CLCN7: variants seen among roughly 807,000 people sequenced by gnomAD.
CLCN7 encodes the protein Cl-/H+ antiporter 7.
Under a neutral mutation model 102.1 loss-of-function variants are expected in CLCN7, and 60 were observed. The ratio of observed to expected loss-of-function variants is 0.59; its 90% CI spans 0.48 to 0.73. The LOEUF (loss-of-function observed/expected upper bound fraction) is 0.73, where lower values mean the gene tolerates loss of function less well. Among genes scored for constraint, CLCN7 ranks in the 30% least tolerant of loss-of-function variants. The pLI is 0.00. For synonymous variants in CLCN7, 560 were observed against 490.5 expected (o/e 1.14, Z -1.87); for missense variants, 962 against 1,125.7 (o/e 0.85, Z 2.08).
intron 1 of CLCN7, chr16:1,474,181 G>A (rs375042126): frequency 1.3e-5 from 6 of 456,000 alleles, no homozygotes; most frequent in South Asian, 6.2e-5. Flanking sequence ...CACGCTGCAG[G>A]GTGACATGCG....
chr16:1,451,076 C>T (rs1191970257), intron 16 of CLCN7, among the ~76,000 whole-genome samples: 2 of 152,198 alleles, frequency 1.3e-5, no homozygotes, highest in Admixed American at 6.5e-5. Context: ...GCGTGCAGGG[C>T]GGGTGAGACC....
rs755892674 is a variant in CLCN7, at chr16:1,452,708, C to T, written c.1353+47G>A. 5 of 1,554,014 alleles carry T rather than the reference C, an allele frequency of 3.2e-6. No individual in the cohort carries two copies. The Admixed American group carries it at 9.4e-5, about 29-fold the overall frequency. ...CTAAGCGAGCCTCCTGGAGGCCGCCCTGTGGCTGCCCTGCCTGCTGGACCC... is the reference window on the plus strand; with the variant it reads ...CTAAGCGAGCCTCCTGGAGGCCGCCTTGTGGCTGCCCTGCCTGCTGGACCC... On this transcript the variant is annotated intron_variant, in intron 15 of 24. Coordinates refer to ENST00000382745, the MANE Select transcript of CLCN7 (RefSeq NM_001287.6).
At chr16:1,459,615 C>T (rs1596222615) in intron 6 of CLCN7, among the ~76,000 whole-genome samples, 5 of 35,152 alleles carry the variant, frequency 1.4e-4, no homozygotes, top group South Asian at 1.3e-3. Context: ...CTTCGGGGCC[C>T]CAGGGAAGGG....
At chr16:1,454,998 G>A (rs563163923) in intron 12 of CLCN7, 136 bp downstream of exon 12, 41 of 703,044 alleles carry the variant, frequency 5.8e-5, no homozygotes, top group African/African-American at 5.6e-4. Flanking sequence ...GGGCCCTGGA[G>A]CTTACACAAG....
chr16:1,455,576 G>A, intron 11 of CLCN7, 155 bp downstream of exon 11: 2 of 840,032 alleles, frequency 2.4e-6, no homozygotes, highest in Admixed American at 2.0e-5. Context: ...AGCAAAGGCA[G>A]GACCGCTGCT....
intron 9 of CLCN7, among the ~76,000 whole-genome samples, chr16:1,456,576 C>T (rs574246901): frequency 8.5e-5 from 13 of 152,358 alleles, no homozygotes; most frequent in South Asian, 2.1e-4. Flanking sequence ...CGGTGCCTCA[C>T]GCCTGTCATC....
Position 1,446,415 on chromosome 16 carries a change from G to A in CLCN7, c.*216C>T, listed in dbSNP as rs528735755. 3.4e-5 allele frequency: 24 copies of A among 702,604 alleles called. No homozygotes were observed. The highest frequency in any genetic ancestry group is 1.2e-4 in the South Asian group (8 of 67,610). The allele number at this position is 702,604 out of a possible 1,614,324, so 43.5% of individuals were successfully genotyped here. ...CGAGGAGAGTGGAGGCTGGGCCTGC[G>A]CAAGGAGGCGCCAAGGGGGGAGACC... is the stretch of plus-strand genomic sequence containing the variant. On this transcript the variant is annotated 3_prime_UTR_variant, in exon 25 of 25. Coordinates refer to ENST00000382745, the MANE Select transcript of CLCN7 (RefSeq NM_001287.6).
At position 1,457,607 on chromosome 16, in the gene CLCN7, G is replaced by A. The variant is rs565647515; in HGVS notation, c.738+87C>T. On this transcript the variant is annotated intron_variant, in intron 8 of 24. Coordinates refer to ENST00000382745, the MANE Select transcript of CLCN7 (RefSeq NM_001287.6). The surrounding 1 kb of genome is among the most constrained non-coding windows in gnomAD (Gnocchi z 5.4). ...CCCTTCCTGGAGACCAGAAGGACCG[G>A]TGCTCAGAGACACACATGGGCGTGG... 43 of 1,344,236 alleles carry A rather than the reference G, an allele frequency of 3.2e-5. 1 individual carries two copies. The South Asian group carries it at 3.9e-4, about 12-fold the overall frequency. 83.3% of individuals were successfully genotyped at this position (1,344,236 alleles called of 1,614,324 possible).
At chr16:1,472,572 C>T (rs369866315) in intron 1 of CLCN7, 4,937 of 152,054 alleles carry the variant, frequency 0.032, 121 homozygotes, top group Middle Eastern at 0.061. Flanking sequence ...GATTATTTCC[C>T]AAAAAATCAA....
Position 1,457,962 on chromosome 16 carries a change from G to A in CLCN7, c.676-206C>T, listed in dbSNP as rs1567270485. Among the ~76,000 whole-genome samples, 1 of 152,316 alleles carries A rather than the reference G, an allele frequency of 6.6e-6. No homozygotes were observed. Among genetic ancestry groups the A allele is most frequent in the South Asian group, 2.1e-4 (1 of 4,830 alleles). On this transcript the variant is annotated intron_variant, in intron 7 of 24. Coordinates refer to ENST00000382745, the MANE Select transcript of CLCN7 (RefSeq NM_001287.6). This position sits in a 1 kb window ranked among gnomAD's most constrained non-coding sequence, Gnocchi z 5.4. The stretch of plus-strand genomic sequence containing the variant: ...CAAGCGTCCCCCGCACTCACTCGGG[G>A]GACCTGCCCTCTGTGGCCTCAGCAC...
At position 1,446,357 on chromosome 16, in the gene CLCN7, C is replaced by T. The variant is rs1337764817; in HGVS notation, c.*274G>A. On this transcript the variant is annotated 3_prime_UTR_variant, in exon 25 of 25. Coordinates refer to ENST00000382745, the MANE Select transcript of CLCN7 (RefSeq NM_001287.6). ...TAGCCCGGTAGGGAGGTCACACACACACAGCTGATCCCTGGAGGTAAAGAA... is the reference window on the plus strand; with the variant it reads ...TAGCCCGGTAGGGAGGTCACACACATACAGCTGATCCCTGGAGGTAAAGAA... The T allele has an allele frequency of 1.4e-6, 1 of 702,234 alleles. No individual in the cohort carries two copies. Among genetic ancestry groups the T allele is most frequent in the Non-Finnish European group, 2.6e-6 (1 of 384,742 alleles). 43.5% of individuals were successfully genotyped at this position (702,234 alleles called of 1,614,324 possible).
intron 11 of CLCN7, 132 bp from the exon 12 acceptor site, chr16:1,455,382 G>A (rs1184657009): frequency 3.9e-6 from 3 of 772,342 alleles, no homozygotes; most frequent in Non-Finnish European, 7.0e-6. Flanking sequence ...CAAGGCAGAA[G>A]GGAAGGGGCT....
chr16:1,473,010 C>T (rs1004770752), intron 1 of CLCN7, among the ~76,000 whole-genome samples: 1 of 132,798 alleles, frequency 7.5e-6, no homozygotes. Context: ...TCAAGTGATC[C>T]TCCCCTACCT....
Position 1,445,998 on chromosome 16 carries a change from T to C in CLCN7, c.*633A>G, listed in dbSNP as rs898113589. 2.2e-5 allele frequency: 11 copies of C among 505,552 alleles called. No individual in the cohort carries two copies. Among genetic ancestry groups the C allele is most frequent in the African/African-American group, 2.1e-4 (11 of 51,524 alleles). 31.3% of individuals were successfully genotyped at this position (505,552 alleles called of 1,614,324 possible). A position where few individuals can be genotyped will look rare whatever the true frequency, so the allele number is the denominator to read the frequency against. On this transcript the variant is annotated 3_prime_UTR_variant, in exon 25 of 25. Coordinates refer to ENST00000382745, the MANE Select transcript of CLCN7 (RefSeq NM_001287.6). ...GGGCCCGTGAGTCACCCCAGTCCTC[T>C]GGGCCTGTGTACCCAAGCCGGATGC...
intron 4 of CLCN7, 61 bp from the exon 5 acceptor site, chr16:1,461,009 G>T: frequency 3.1e-6 from 5 of 1,595,544 alleles, no homozygotes; most frequent in Non-Finnish European, 4.3e-6. Flanking sequence ...TCTGGCAGCA[G>T]CAGGACCGCC....
At chr16:1,452,663 G>T in intron 15 of CLCN7, 92 bp downstream of exon 15, 1 of 1,379,048 alleles carries the variant, frequency 7.3e-7, no homozygotes, top group Non-Finnish European at 9.9e-7. Flanking sequence ...CGGCGGGGTG[G>T]GCAGCCCTCC....
chr16:1,461,769 A>C (rs1249563264), intron 2 of CLCN7, 95 bp from the exon 3 acceptor site: 2 of 1,018,532 alleles, frequency 2.0e-6, no homozygotes, highest in African/African-American at 3.1e-5. Context: ...TATCATCCCG[A>C]CACCAAGGAC....
chr16:1,447,205 G>T, intron 23 of CLCN7, 119 bp from the exon 24 acceptor site: 1 of 1,167,680 alleles, frequency 8.6e-7, no homozygotes, highest in Non-Finnish European at 1.2e-6. Context: ...GAGCCCCCAC[G>T]CCCGTCTGGC....
rs1470069825 is a variant in CLCN7 at position 1,446,016 on chromosome 16, C to T, written c.*615G>A. The T allele has an allele frequency of 7.5e-6, 4 of 532,044 alleles. No individual in the cohort carries two copies. Among genetic ancestry groups the T allele is most frequent in the Non-Finnish European group, 3.3e-6 (1 of 300,198 alleles). The allele number at this position is 532,044 out of a possible 1,614,324, so 33.0% of individuals were successfully genotyped here. A position where few individuals can be genotyped will look rare whatever the true frequency, so the allele number is the denominator to read the frequency against. On this transcript the variant is annotated 3_prime_UTR_variant, in exon 25 of 25. Coordinates refer to ENST00000382745, the MANE Select transcript of CLCN7 (RefSeq NM_001287.6). ...AGTCCTCTGGGCCTGTGTACCCAAG[C>T]CGGATGCAGGCCGGGGAGTGCACGT... is the stretch of plus-strand genomic sequence containing the variant.
Sources: gnomAD v4.1 joint callset for allele counts (sites outside exome capture counted in the v4.1 genomes callset) on GRCh38, gnomAD v4.1.1 for gene constraint, Gnocchi (gnomAD v3.1) non-coding constraint, MANE v1.5 for transcripts, NCBI Gene and HGNC (gene_info 2026-07-23, HGNC 2026-07-21) for gene names.